Variants in BRD4 observed in about 807,000 individuals in gnomAD.
BRD4 encodes bromodomain-containing protein 4.
Under a neutral mutation model 142.1 loss-of-function variants are expected in BRD4, and 16 were observed. The observed-to-expected ratio is 0.11, with a 90% CI of 0.08 to 0.17. The LOEUF is 0.17. Ranked by LOEUF, BRD4 falls within the 10% of genes least tolerant of loss-of-function variation. The pLI, the probability that BRD4 is intolerant of heterozygous loss-of-function variation, is 1.00. For missense variants in BRD4, 1,424 were observed against 1,810.9 expected (o/e 0.79, Z 3.88); for synonymous variants, 833 against 707.5 (o/e 1.18, Z -2.82).
chr19:15,249,512 T>C (rs1250590402), intron 11 of BRD4, among the ~76,000 whole-genome samples: 1 of 152,166 alleles, frequency 6.6e-6, no homozygotes, highest in Non-Finnish European at 1.5e-5. Context: ...GCAGAATGCA[T>C]GGATGCCTTG....
intron 3 of BRD4, 30 bp downstream of exon 3, chr19:15,268,875 G>A: frequency 6.2e-7 from 1 of 1,612,496 alleles, no homozygotes; most frequent in Non-Finnish European, 8.5e-7. Context: ...CTCTCCCCAG[G>A]GCAGCTGGAC....
chr19:15,248,945 T>C (rs1033073438), intron 11 of BRD4: 8 of 457,632 alleles, frequency 1.7e-5, no homozygotes, highest in African/African-American at 5.8e-5. Context: ...TAGCACCACA[T>C]GAATGCATGT....
intron 14 of BRD4, among the ~76,000 whole-genome samples, chr19:15,241,918 T>C (rs1245741505): frequency 6.6e-6 from 1 of 150,924 alleles, no homozygotes; most frequent in Admixed American, 6.6e-5. Context: ...ACTCAAGCGA[T>C]TCTCCCGCCT....
intron 1 of BRD4, among the ~76,000 whole-genome samples, chr19:15,330,470 A>C (rs144828699): frequency 3.3e-5 from 5 of 152,334 alleles, no homozygotes; most frequent in Admixed American, 2.0e-4. Flanking sequence ...TAAATGCTTT[A>C]TGAAATTATT....
chr19:15,248,169 G>A (rs2145534050), intron 11 of BRD4: 1 of 220,228 alleles, frequency 4.5e-6, no homozygotes, highest in Non-Finnish European at 9.1e-6. Flanking sequence ...TTTCTGCTGA[G>A]ATGCTGGATT....
intron 1 of BRD4, among the ~76,000 whole-genome samples, chr19:15,302,277 T>A (rs1347903897): frequency 6.6e-6 from 1 of 152,052 alleles, no homozygotes; most frequent in Non-Finnish European, 1.5e-5. Flanking sequence ...CCCCCAGGAC[T>A]GGGAGATGCT....
At chr19:15,255,193 A>T (rs1332168094) in intron 10 of BRD4, 104 bp downstream of exon 10, 1 of 1,205,730 alleles carries the variant, frequency 8.3e-7, no homozygotes, top group Non-Finnish European at 1.1e-6. Context: ...TAATTGGAAA[A>T]AAAAAAGGGG....
chr19:15,328,479 T>A (rs1449072626), intron 1 of BRD4, among the ~76,000 whole-genome samples: 1 of 152,202 alleles, frequency 6.6e-6, no homozygotes, highest in Non-Finnish European at 1.5e-5. Context: ...ACACACTGCA[T>A]GCCAGGCTGC....
intron 1 of BRD4, among the ~76,000 whole-genome samples, chr19:15,288,322 G>A (rs988177246): frequency 2.6e-5 from 4 of 152,114 alleles, no homozygotes. Context: ...GGGAAGGATC[G>A]CTTGAAGCCA....
At chr19:15,253,311 T>C in intron 11 of BRD4, 1 of 567,784 alleles carries the variant, frequency 1.8e-6, no homozygotes, top group South Asian at 2.2e-5. Flanking sequence ...AGCCTGAGCA[T>C]CTGCGCCCCT....
At chr19:15,299,366 C>T (rs1377295729) in intron 1 of BRD4, among the ~76,000 whole-genome samples, 1 of 152,144 alleles carries the variant, frequency 6.6e-6, no homozygotes, top group Non-Finnish European at 1.5e-5. Flanking sequence ...CTCATATACC[C>T]ATCAAAGTCT....
At chr19:15,283,793 C>T (rs1335781694) in intron 1 of BRD4, among the ~76,000 whole-genome samples, 2 of 152,164 alleles carry the variant, frequency 1.3e-5, no homozygotes, top group East Asian at 1.9e-4. Context: ...AGCAGAGCAG[C>T]GGCTGACTCA....
intron 1 of BRD4, among the ~76,000 whole-genome samples, chr19:15,278,360 C>G (rs1157266195): frequency 6.6e-6 from 1 of 151,466 alleles, no homozygotes; most frequent in African/African-American, 2.4e-5. Flanking sequence ...CTGGTGAAAC[C>G]CCATCTCTAC....
At chr19:15,331,409 C>T (rs2048157013) in intron 1 of BRD4, among the ~76,000 whole-genome samples, 2 of 152,188 alleles carry the variant, frequency 1.3e-5, no homozygotes, top group Non-Finnish European at 2.9e-5. Context: ...CCCCAAATCA[C>T]CACAATCACC....
intron 1 of BRD4, among the ~76,000 whole-genome samples, chr19:15,311,899 A>T (rs1412535869): frequency 2.6e-5 from 4 of 152,250 alleles, no homozygotes; most frequent in Non-Finnish European, 5.9e-5. Context: ...AACAGAAAGT[A>T]GAAGACTGGC....
chr19:15,252,202 C>A (rs1422000220), intron 11 of BRD4, among the ~76,000 whole-genome samples: 1 of 152,196 alleles, frequency 6.6e-6, no homozygotes, highest in African/African-American at 2.4e-5. Context: ...AGGCCAAGGG[C>A]AAAGGCCATG....
intron 1 of BRD4, among the ~76,000 whole-genome samples, chr19:15,321,530 G>A (rs1449863001): frequency 6.6e-6 from 1 of 151,836 alleles, no homozygotes; most frequent in Non-Finnish European, 1.5e-5. Flanking sequence ...AAGCACTACT[G>A]GGAAGACTCA....
rs767260149 is a variant in BRD4 at position 15,239,476 on chromosome 19, G to A, written c.3492C>T (p.Pro1164=). The A allele has an allele frequency of 3.1e-6, 5 of 1,614,122 alleles. No individual in the cohort carries two copies. The Admixed American group carries it at 6.7e-5, about 22-fold the overall frequency. ...PVDVGRPVIR[P]PEQNAPPPGA... is the part of the protein sequence containing the mutation. ...CTGGTGGCGGTGCGTTCTGCTCTGG[G>A]GGCCGGATCACAGGCCTCCCGACAT... is the stretch of plus-strand genomic sequence containing the variant. Residue 1164 remains proline (P), a synonymous_variant, in exon 17 of 20, where the codon CCC becomes CCT. Coordinates refer to ENST00000679869, the MANE Select transcript of BRD4 (RefSeq NM_001379291.1). The surrounding 1 kb of genome is among the most constrained non-coding windows in gnomAD (Gnocchi z 7.4).
At position 15,263,513 on chromosome 19, in the gene BRD4, C is replaced by T. The variant is rs772544829; in HGVS notation, c.1248G>A (p.Gln416=). Residue 416 remains glutamine (Q), a synonymous_variant, in exon 7 of 20, where the codon CAG becomes CAA. Transcript: ENST00000679869. ...TCAATCGGACGTCAGCACCAAACTC[C>T]TGAGCATCACGGTACTCACGGGCCT... ...KLEAREYRDA[Q]EFGADVRLMF... The T allele has an allele frequency of 3.1e-6, 5 of 1,614,236 alleles. No individual in the cohort carries two copies. The Admixed American group carries it at 6.7e-5, about 22-fold the overall frequency.
Sources: gnomAD v4.1 joint callset for allele counts (sites outside exome capture counted in the v4.1 genomes callset) on GRCh38, gnomAD v4.1.1 for gene constraint, Gnocchi (gnomAD v3.1) non-coding constraint, MANE v1.5 for transcripts, NCBI Gene and HGNC (gene_info 2026-07-23, HGNC 2026-07-21) for gene names.